TCP11L1: variants seen among roughly 807,000 people sequenced by gnomAD.
TCP11L1 encodes the protein t-complex 11 like 1, also known as T-complex protein 11-like protein 1.
TCP11L1 carries 28 observed loss-of-function variants against 48.9 expected under a neutral mutation model. The observed-to-expected ratio is 0.57, with a 90% confidence interval of 0.42 to 0.78. The LOEUF is 0.78. Among genes scored for constraint, TCP11L1 ranks in the 30% least tolerant of loss-of-function variants. The pLI is 0.00. For synonymous variants in TCP11L1, 204 were observed against 231.9 expected (o/e 0.88, Z 1.09); for missense variants, 505 against 613.4 (o/e 0.82, Z 1.87).
intron 8 of TCP11L1, among the ~76,000 whole-genome samples, chr11:33,066,549 C>G (rs960862200): frequency 6.6e-6 from 1 of 151,956 alleles, no homozygotes; most frequent in African/African-American, 2.4e-5. Context: ...TTAGAGGTCC[C>G]GCGGCCCTCC....
intron 9 of TCP11L1, 133 bp from the exon 10 acceptor site, chr11:33,072,341 G>A (rs1021269517): frequency 1.2e-6 from 1 of 836,712 alleles, no homozygotes; most frequent in Non-Finnish European, 2.0e-6. Context: ...AAGGTGCTGT[G>A]GGTATCTGGT....
rs183130978 is a variant in TCP11L1 at position 33,047,102 on chromosome 11, A to T, written c.163+3166A>T. On this transcript the variant is annotated intron_variant, in intron 2 of 9. Coordinates refer to ENST00000334274, the MANE Select transcript of TCP11L1 (RefSeq NM_018393.4). ...GCCGGGAGTGGTGGTGTGTGCCTGT[A>T]ATTGGGAGGCTGAGGCAAGAGAATC... 3.9e-4 allele frequency among the ~76,000 whole-genome samples: 59 copies of T among 152,124 alleles called. 1 individual carries two copies. The East Asian group carries it at 8.3e-3, about 21-fold the overall frequency.
chr11:33,054,901 C>A (rs1319749178), intron 3 of TCP11L1, among the ~76,000 whole-genome samples, 176 bp downstream of exon 3: 2 of 152,220 alleles, frequency 1.3e-5, no homozygotes, highest in East Asian at 1.9e-4. Context: ...CTCTAAAAAT[C>A]TTTTGTGAAA....
Position 33,059,094 on chromosome 11 carries a change from A to G in TCP11L1, c.774A>G (p.Pro258=). ...TTCAAGAGATTTTGGAGAGGCAACCAAGTATGTTGAATATTTTGTGGTACT... is the reference window on the plus strand; with the variant it reads ...TTCAAGAGATTTTGGAGAGGCAACCGAGTATGTTGAATATTTTGTGGTACT... The part of the protein sequence containing the change: ...KKFQEILERQ[P]NSLDFVTQWL... The change falls in exon 6 of 10, where the codon CCA becomes CCG. Residue 258 remains proline, a splice_region_variant and synonymous_variant. Coordinates refer to ENST00000334274, the MANE Select transcript of TCP11L1 (RefSeq NM_018393.4). 6.2e-7 allele frequency: 1 copy of G among 1,613,478 alleles called. No homozygotes were observed. Among genetic ancestry groups the G allele is most frequent in the Non-Finnish European group, 8.5e-7 (1 of 1,179,866 alleles).
At chr11:33,068,161 G>T (rs1157705834) in intron 8 of TCP11L1, among the ~76,000 whole-genome samples, 1 of 152,168 alleles carries the variant, frequency 6.6e-6, no homozygotes, top group Non-Finnish European at 1.5e-5. Flanking sequence ...TAGAACTCCT[G>T]ATCCATCTGC....
rs375406308 is a variant in TCP11L1 at position 33,055,666 on chromosome 11, G to A, written c.296+941G>A. On this transcript the variant is annotated intron_variant, in intron 3 of 9. Coordinates refer to ENST00000334274, the MANE Select transcript of TCP11L1 (RefSeq NM_018393.4). Reference sequence around the variant, plus strand: ...TGGGATTCTGTTAACAAAAGGAGGAGGAATGGCTGCTGTGCTGGCAAGTGT... The same window carrying A: ...TGGGATTCTGTTAACAAAAGGAGGAAGAATGGCTGCTGTGCTGGCAAGTGT... Among the ~76,000 whole-genome samples the A allele has an allele frequency of 4.5e-4, 68 of 152,276 alleles. 1 individual carries two copies. Among genetic ancestry groups the A allele is most frequent in the African/African-American group, 1.6e-3 (66 of 41,572 alleles).
Position 33,054,676 on chromosome 11 carries a change from G to T in TCP11L1, c.247G>T (p.Val83Leu), listed in dbSNP as rs766657151. The change falls in exon 3 of 10, where the codon GTA becomes TTA. Residue 83 changes from valine (V) to leucine (L), a missense_variant. Transcript: ENST00000334274. ...VTNMALAHEI[V>L]VNGDFQIKPV... Reference sequence around the variant, plus strand: ...CAACATGGCTCTAGCCCATGAAATTGTAGTAAATGGAGACTTTCAGATTAA... The same window carrying T: ...CAACATGGCTCTAGCCCATGAAATTTTAGTAAATGGAGACTTTCAGATTAA... The T allele has an allele frequency of 1.1e-5, 17 of 1,613,882 alleles. No individual in the cohort carries two copies. Among genetic ancestry groups the T allele is most frequent in the Non-Finnish European group, 1.3e-5 (15 of 1,179,904 alleles).
chr11:33,062,155 TAC>T (rs1761613172), intron 7 of TCP11L1, among the ~76,000 whole-genome samples: 1 of 152,234 alleles, frequency 6.6e-6, no homozygotes, highest in African/African-American at 2.4e-5. Context: ...ATAATTCATG[TAC>T]CAGAAGATTC....
At chr11:33,047,705 A>G (rs1346429032) in intron 2 of TCP11L1, among the ~76,000 whole-genome samples, 3 of 152,198 alleles carry the variant, frequency 2.0e-5, no homozygotes, top group Admixed American at 2.0e-4. Flanking sequence ...TGCATACTGT[A>G]TGTCAGGGAT....
At chr11:33,051,333 A>G (rs1000066821) in intron 2 of TCP11L1, among the ~76,000 whole-genome samples, 2 of 151,116 alleles carry the variant, frequency 1.3e-5, no homozygotes, top group African/African-American at 2.4e-5. Context: ...ACGCCCGGCT[A>G]ATTTTTTGTA....
intron 2 of TCP11L1, among the ~76,000 whole-genome samples, chr11:33,045,402 G>A (rs1853960234): frequency 6.6e-6 from 1 of 151,406 alleles, no homozygotes; most frequent in South Asian, 2.1e-4. Context: ...TGTAGTCCCA[G>A]CTACTTGGGA....
At chr11:33,065,780 T>C (rs1590240246) in intron 7 of TCP11L1, 50 bp from the exon 8 acceptor site, 1 of 1,582,376 alleles carries the variant, frequency 6.3e-7, no homozygotes, top group Non-Finnish European at 8.6e-7. Flanking sequence ...CGCCCTCTGC[T>C]GGCCAACCTG....
At chr11:33,041,145 C>G (rs528398018) in intron 1 of TCP11L1, 1 of 152,338 alleles carries the variant, frequency 6.6e-6, no homozygotes, top group East Asian at 1.9e-4. Context: ...GACTTGAACT[C>G]AATCTTAAGG....
intron 7 of TCP11L1, among the ~76,000 whole-genome samples, 156 bp downstream of exon 7, chr11:33,061,882 A>G (rs993000127): frequency 1.3e-5 from 2 of 152,164 alleles, no homozygotes; most frequent in Non-Finnish European, 2.9e-5. Flanking sequence ...GGAGTTCAAG[A>G]CTTGCCTGGG....
At position 33,072,815 on chromosome 11, in the gene TCP11L1, T is replaced by C. The variant is rs1854836520; in HGVS notation, c.*139T>C. ...ATTCCAAAGGGAAGAATATTGTGTA[T>C]CACTGTTGAAAAGACTTGTTGAGAA... On this transcript the variant is annotated 3_prime_UTR_variant, in exon 10 of 10. Coordinates refer to ENST00000334274, the MANE Select transcript of TCP11L1 (RefSeq NM_018393.4). The C allele has an allele frequency of 1.1e-6, 1 of 914,748 alleles. No individual in the cohort carries two copies. The highest frequency in any genetic ancestry group is 1.7e-6 in the Non-Finnish European group (1 of 600,226). The allele number at this position is 914,748 out of a possible 1,614,324, so 56.7% of individuals were successfully genotyped here. A position where few individuals can be genotyped will look rare whatever the true frequency, so the allele number is the denominator to read the frequency against.
chr11:33,061,180 T>C (rs1415359773), intron 6 of TCP11L1, among the ~76,000 whole-genome samples: 1 of 152,110 alleles, frequency 6.6e-6, no homozygotes, highest in Admixed American at 6.6e-5. Context: ...GGTCTCGAAC[T>C]CCTGGGCTCA....
At chr11:33,050,123 A>G (rs1854115768) in intron 2 of TCP11L1, among the ~76,000 whole-genome samples, 2 of 152,226 alleles carry the variant, frequency 1.3e-5, no homozygotes, top group Admixed American at 6.5e-5. Flanking sequence ...TTGAGTCAAC[A>G]CAGCACAGGT....
intron 2 of TCP11L1, among the ~76,000 whole-genome samples, chr11:33,054,040 C>T (rs1854241054): frequency 1.3e-5 from 2 of 152,014 alleles, no homozygotes; most frequent in Non-Finnish European, 1.5e-5. Context: ...TGGTCTCCAA[C>T]CCCTGGCCTC....
At chr11:33,043,722 T>C in intron 1 of TCP11L1, 28 bp from the exon 2 acceptor site, 2 of 1,554,396 alleles carry the variant, frequency 1.3e-6, no homozygotes, top group Non-Finnish European at 1.7e-6. Context: ...TACTTTTAGT[T>C]CTTTTTTTTT....
Sources: allele counts gnomAD v4.1 joint callset (sites outside exome capture counted in the v4.1 genomes callset), GRCh38; gene constraint gnomAD v4.1.1; transcripts MANE v1.5; gene names NCBI Gene and HGNC (gene_info 2026-07-23, HGNC 2026-07-21).